Variants in SLC25A33 observed in about 807,000 individuals in gnomAD.
SLC25A33 encodes bone marrow stromal cell mitochondrial carrier protein.
SLC25A33 carries 15 observed loss-of-function variants against 35.5 expected under a neutral mutation model. The observed-to-expected ratio is 0.42, with a 90% CI of 0.28 to 0.65. The LOEUF (loss-of-function observed/expected upper bound fraction) is 0.65, where lower values mean the gene tolerates loss of function less well. SLC25A33 is among the 30% of genes least tolerant of loss of function. The pLI, the probability that SLC25A33 is intolerant of heterozygous loss-of-function variation, is 0.20. For missense variants in SLC25A33, 257 were observed against 398.5 expected, an observed-to-expected ratio of 0.64 and a Z score of 3.02; for synonymous variants, 136 against 148.7, an observed-to-expected ratio of 0.91 and a Z score of 0.62.
chr1:9,554,418 G>T (rs531936784), intron 2 of SLC25A33, among the ~76,000 whole-genome samples: 1 of 152,290 alleles, frequency 6.6e-6, no homozygotes, highest in South Asian at 2.1e-4. Context: ...GGAGTGCAAT[G>T]GCACAATCTC....
At position 9,573,307 on chromosome 1, in the gene SLC25A33, A is replaced by G. The variant is rs763991432; in HGVS notation, c.416-39A>G. ...TAGACATCTTTAATAAGTATGGACT[A>G]TGTACAGTGTTGACCTTTACTGTTT... On this transcript the variant is annotated intron_variant, in intron 4 of 6. Transcript: ENST00000302692. 2.1e-5 allele frequency: 30 copies of G among 1,413,902 alleles called. No individual in the cohort carries two copies. In the South Asian group the frequency reaches 2.7e-4, roughly 13 times the overall value. 87.6% of individuals were successfully genotyped at this position (1,413,902 alleles called of 1,614,324 possible).
intron 1 of SLC25A33, among the ~76,000 whole-genome samples, chr1:9,545,752 G>T (rs953446388): frequency 1.3e-5 from 2 of 149,880 alleles, no homozygotes; most frequent in Non-Finnish European, 3.0e-5. Context: ...TTGAGGTCAG[G>T]AGTTCAAGAC....
chr1:9,542,480 G>A (rs1011665571), intron 1 of SLC25A33, among the ~76,000 whole-genome samples: 13 of 152,086 alleles, frequency 8.5e-5, no homozygotes, highest in Non-Finnish European at 1.8e-4. Context: ...ACTCTCACTA[G>A]CCTAAAATAT....
chr1:9,544,369 A>C (rs1643137086), intron 1 of SLC25A33, among the ~76,000 whole-genome samples: 2 of 151,498 alleles, frequency 1.3e-5, no homozygotes, highest in South Asian at 4.2e-4. Flanking sequence ...CCCGGGTTCA[A>C]GCAATTCTCG....
chr1:9,553,584 G>T, intron 1 of SLC25A33, 42 bp from the exon 2 acceptor site: 1 of 1,606,792 alleles, frequency 6.2e-7, no homozygotes, highest in South Asian at 1.1e-5. Context: ...ATTGTGTAGG[G>T]AATAGTATAG....
intron 2 of SLC25A33, among the ~76,000 whole-genome samples, 164 bp from the exon 3 acceptor site, chr1:9,567,120 A>G (rs189951592): frequency 7.3e-4 from 111 of 152,356 alleles, no homozygotes; most frequent in African/African-American, 2.5e-3. Context: ...GCAGTATTCT[A>G]CAGCCTTCCG....
chr1:9,581,181 G>A (rs1407832629), intron 6 of SLC25A33, among the ~76,000 whole-genome samples: 1 of 152,180 alleles, frequency 6.6e-6, no homozygotes, highest in Non-Finnish European at 1.5e-5. Context: ...CAGGGTCTGA[G>A]GTCTGTGTGA....
intron 4 of SLC25A33, among the ~76,000 whole-genome samples, chr1:9,572,726 C>T (rs1643608609): frequency 6.6e-6 from 1 of 151,826 alleles, no homozygotes; most frequent in Non-Finnish European, 1.5e-5. Context: ...AGACTGATAC[C>T]ATGGTGTTGC....
At chr1:9,558,747 A>G (rs995858155) in intron 2 of SLC25A33, among the ~76,000 whole-genome samples, 2 of 152,146 alleles carry the variant, frequency 1.3e-5, no homozygotes, top group Non-Finnish European at 2.9e-5. Context: ...CACTGTCCTG[A>G]TGGAAGCCAC....
chr1:9,555,448 A>C (rs1055801115), intron 2 of SLC25A33, among the ~76,000 whole-genome samples: 3 of 152,104 alleles, frequency 2.0e-5, no homozygotes, highest in Non-Finnish European at 2.9e-5. Context: ...CAATTTAGAT[A>C]AGGCAGGATG....
At chr1:9,548,387 GC>G (rs1643211357) in intron 1 of SLC25A33, among the ~76,000 whole-genome samples, 1 of 152,142 alleles carries the variant, frequency 6.6e-6, no homozygotes, top group South Asian at 2.1e-4. Flanking sequence ...TTCAAGACCA[GC>G]CTGGCCAACA....
chr1:9,565,751 G>T lies in SLC25A33; in HGVS notation c.237-1533G>T, dbSNP rs1286222159. Among the ~76,000 whole-genome samples the T allele has an allele frequency of 4.6e-5, 7 of 151,246 alleles. No individual in the cohort carries two copies. In the East Asian group the frequency reaches 7.8e-4, roughly 17 times the overall value. On this transcript the variant is annotated intron_variant, in intron 2 of 6. Coordinates refer to ENST00000302692, the MANE Select transcript of SLC25A33 (RefSeq NM_032315.3). ...AAATTAGCCGGGCGTGGTGGCGGGTGCCTGTAGTCCCAGCTGCTCGGGGGG... is the reference window on the plus strand; with the variant it reads ...AAATTAGCCGGGCGTGGTGGCGGGTTCCTGTAGTCCCAGCTGCTCGGGGGG...
chr1:9,562,968 G>C (rs1557530889), intron 2 of SLC25A33, among the ~76,000 whole-genome samples: 1 of 146,254 alleles, frequency 6.8e-6, no homozygotes, highest in Non-Finnish European at 1.5e-5. Context: ...ACCCAGGCTG[G>C]AGTGCAGTGG....
In SLC25A33 at chr1:9,552,562, C is replaced by G. The variant is rs141449892; in HGVS notation, c.57-1064C>G. Among the ~76,000 whole-genome samples, 404 of 152,168 alleles carry G rather than the reference C, an allele frequency of 2.7e-3. 3 individuals carry two copies. Among genetic ancestry groups the G allele is most frequent in the African/African-American group, 9.0e-3 (375 of 41,510 alleles). On this transcript the variant is annotated intron_variant, in intron 1 of 6. Coordinates refer to ENST00000302692, the MANE Select transcript of SLC25A33 (RefSeq NM_032315.3). The stretch of plus-strand genomic sequence containing the variant: ...TAATTAATCAAATTTTAAGAAGGGT[C>G]TGTATTGGAGTAAATATTGATTTTC...
rs993659370 is a variant in SLC25A33 at position 9,578,789 on chromosome 1, C to T, written c.483-1165C>T. On this transcript the variant is annotated intron_variant, in intron 5 of 6. Transcript: ENST00000302692. This position sits in a 1 kb window ranked among gnomAD's most constrained non-coding sequence, Gnocchi z 4.3. ...CCCAGCCCTTGTGATCATCCTTTAC[C>T]TTTAACTTAGTCCTGTTTTCCACTG... 6.6e-6 allele frequency among the ~76,000 whole-genome samples: 1 copy of T among 152,174 alleles called. No homozygotes were observed. The highest frequency in any genetic ancestry group is 2.4e-5 in the African/African-American group (1 of 41,442).
intron 5 of SLC25A33, among the ~76,000 whole-genome samples, chr1:9,579,371 G>A (rs966601066): frequency 6.7e-6 from 1 of 150,246 alleles, no homozygotes; most frequent in Admixed American, 6.7e-5. Flanking sequence ...GGCCTCCAGA[G>A]CTTCTGAACG....
intron 2 of SLC25A33, among the ~76,000 whole-genome samples, chr1:9,566,715 G>A (rs991552256): frequency 1.3e-5 from 2 of 152,130 alleles, no homozygotes; most frequent in Admixed American, 1.3e-4. Flanking sequence ...GCGTGGTGGT[G>A]CATGCCTTTA....
intron 1 of SLC25A33, among the ~76,000 whole-genome samples, chr1:9,551,063 T>C (rs1398165826): frequency 6.6e-6 from 1 of 152,048 alleles, no homozygotes; most frequent in African/African-American, 2.4e-5. Flanking sequence ...CACAAACCAG[T>C]ATTAAGCTAG....
At chr1:9,556,527 A>G (rs548156956) in intron 2 of SLC25A33, among the ~76,000 whole-genome samples, 1 of 152,324 alleles carries the variant, frequency 6.6e-6, no homozygotes, top group East Asian at 1.9e-4. Flanking sequence ...CAGCATCCCC[A>G]GTCCAGAAAT....
Sources: allele counts gnomAD v4.1 joint callset (sites outside exome capture counted in the v4.1 genomes callset), GRCh38; gene constraint gnomAD v4.1.1; non-coding constraint Gnocchi (gnomAD v3.1); transcripts MANE v1.5; gene names NCBI Gene and HGNC (gene_info 2026-07-23, HGNC 2026-07-21).